FMNL3: variants seen among roughly 807,000 people sequenced by gnomAD.
FMNL3 encodes the protein formin-like protein 3.
FMNL3 carries 57 observed loss-of-function variants against 119.6 expected under a neutral mutation model. That is an observed-to-expected ratio of 0.48 (90% CI 0.39 to 0.59). The LOEUF is 0.59. Ranked by LOEUF, FMNL3 falls within the 20% of genes least tolerant of loss-of-function variation. FMNL3 has a pLI of 0.00. For missense variants in FMNL3, 1,053 were observed against 1,323.5 expected, an observed-to-expected ratio of 0.80 and a Z score of 3.17; for synonymous variants, 491 against 507.3, an observed-to-expected ratio of 0.97 and a Z score of 0.43.
intron 1 of FMNL3, chr12:49,688,611 C>T: frequency 2.3e-6 from 1 of 436,546 alleles, no homozygotes; most frequent in Non-Finnish European, 4.6e-6. Context: ...ATGATGATGG[C>T]TTGTGGTAAG....
At chr12:49,653,976 C>A in intron 11 of FMNL3, 102 bp from the exon 12 acceptor site, 1 of 1,453,290 alleles carries the variant, frequency 6.9e-7, no homozygotes. Context: ...GCCACCACTT[C>A]CCAAAGAGTT....
chr12:49,653,536 C>T (rs1465243469), intron 12 of FMNL3, among the ~76,000 whole-genome samples, 189 bp downstream of exon 12: 1 of 152,234 alleles, frequency 6.6e-6, no homozygotes, highest in East Asian at 1.9e-4. Flanking sequence ...ATGCCCAGCC[C>T]TGGAGGTCGA....
At chr12:49,646,603 CG>C in intron 25 of FMNL3, 7 of 1,433,460 alleles carry the variant, frequency 4.9e-6, no homozygotes, top group Non-Finnish European at 6.5e-6. Context: ...TCCTGGGAGA[CG>C]GGCATGCAGA....
intron 1 of FMNL3, among the ~76,000 whole-genome samples, chr12:49,674,440 G>A: frequency 6.6e-6 from 1 of 152,106 alleles, no homozygotes; most frequent in Admixed American, 6.5e-5. Flanking sequence ...TGGACTCTAG[G>A]CCTCCAGCCC....
chr12:49,643,403 C>G lies in FMNL3; in HGVS notation c.*2412G>C. On this transcript the variant is annotated 3_prime_UTR_variant, in exon 26 of 26. Coordinates refer to ENST00000335154, the MANE Select transcript of FMNL3 (RefSeq NM_175736.5). ...CTCCCATCTTCTTGGAGCAGGTAAG[C>G]AGTTGCTGTGAGCGTAGAAGCTGGA... The G allele has an allele frequency of 6.5e-7, 1 of 1,547,462 alleles. No homozygotes were observed. The highest frequency in any genetic ancestry group is 2.3e-5 in the East Asian group (1 of 44,396).
At position 49,640,158 on chromosome 12, in the gene FMNL3, A is replaced by G. The variant is rs1480906597; in HGVS notation, c.*5657T>C. ...CAGGCAGACCATGATGGTGCCTTTC[A>G]TCCCATAGGATAATGCAAAGAGCCC... On this transcript the variant is annotated 3_prime_UTR_variant, in exon 26 of 26. Transcript: ENST00000335154. The G allele has an allele frequency of 6.6e-6, 1 of 152,234 alleles. No homozygotes were observed. The highest frequency in any genetic ancestry group is 1.5e-5 in the Non-Finnish European group (1 of 68,044). The allele number at this position is 152,234 out of a possible 1,614,324, so 9.4% of individuals were successfully genotyped here.
chr12:49,644,369 C>A lies in FMNL3; in HGVS notation c.*1446G>T. 1.4e-6 allele frequency: 1 copy of A among 705,430 alleles called. No individual in the cohort carries two copies. Among genetic ancestry groups the A allele is most frequent in the Non-Finnish European group, 2.4e-6 (1 of 412,366 alleles). The allele number at this position is 705,430 out of a possible 1,614,324, so 43.7% of individuals were successfully genotyped here. The stretch of plus-strand genomic sequence containing the variant: ...AGGTTGCTCTTGGTGTTCAAGGGTC[C>A]CCTACTCCCTGGACTAGTGCAGTCC... On this transcript the variant is annotated 3_prime_UTR_variant, in exon 26 of 26. Transcript: ENST00000335154.
rs1942739916 is a variant in FMNL3 at position 49,642,048 on chromosome 12, G to A, written c.*3767C>T. Reference sequence around the variant, plus strand: ...GTGTGAGGGGCTGGGCGGGGCGTGGGAAGTTCTCTAATTCATCTGTGTCTT... The same window carrying A: ...GTGTGAGGGGCTGGGCGGGGCGTGGAAAGTTCTCTAATTCATCTGTGTCTT... On this transcript the variant is annotated 3_prime_UTR_variant, in exon 26 of 26. Transcript: ENST00000335154. This position sits in a 1 kb window ranked among gnomAD's most constrained non-coding sequence, Gnocchi z 5.8. 6.2e-7 allele frequency: 1 copy of A among 1,607,798 alleles called. No homozygotes were observed. The highest frequency in any genetic ancestry group is 8.5e-7 in the Non-Finnish European group (1 of 1,177,246).
At chr12:49,650,017 A>G in intron 17 of FMNL3, 92 bp from the exon 18 acceptor site, 1 of 1,144,084 alleles carries the variant, frequency 8.7e-7, no homozygotes, top group Non-Finnish European at 1.2e-6. Context: ...AGAACTGGAC[A>G]GGGGACTGTA....
Position 49,645,554 on chromosome 12 carries a change from C to T in FMNL3, c.*261G>A, listed in dbSNP as rs538623355. On this transcript the variant is annotated 3_prime_UTR_variant, in exon 26 of 26. Transcript: ENST00000335154. ...TAGGCTAAGGCTGGAAATGGTTTTT[C>T]CTAGCCCTGAGCTGACCCTTGGTGA... The T allele has an allele frequency of 4.3e-6, 2 of 460,336 alleles. No individual in the cohort carries two copies. The highest frequency in any genetic ancestry group is 3.7e-5 in the South Asian group (1 of 26,842). The allele number at this position is 460,336 out of a possible 1,614,324, so 28.5% of individuals were successfully genotyped here.
At chr12:49,706,242 TC>T (rs749825936) in intron 1 of FMNL3, among the ~76,000 whole-genome samples, 13 of 152,002 alleles carry the variant, frequency 8.6e-5, no homozygotes, top group Non-Finnish European at 1.8e-4. Flanking sequence ...CAAAGAAGAA[TC>T]CCAAAGTCAG....
intron 4 of FMNL3, among the ~76,000 whole-genome samples, chr12:49,662,693 A>C (rs1288015651): frequency 6.6e-6 from 1 of 152,200 alleles, no homozygotes; most frequent in Non-Finnish European, 1.5e-5. Flanking sequence ...GATGTCTATG[A>C]CCACTCAGAG....
At chr12:49,692,069 C>T (rs1297403328) in intron 1 of FMNL3, among the ~76,000 whole-genome samples, 2 of 143,480 alleles carry the variant, frequency 1.4e-5, no homozygotes, top group Non-Finnish European at 3.0e-5. Flanking sequence ...AAAGTTGGGT[C>T]TGGCTGGGCA....
intron 16 of FMNL3, 24 bp downstream of exon 16, chr12:49,651,144 C>G: frequency 6.2e-7 from 1 of 1,609,950 alleles, no homozygotes; most frequent in Non-Finnish European, 8.5e-7. Context: ...CAACCTTAGC[C>G]CTCTGGACCC....
intron 9 of FMNL3, among the ~76,000 whole-genome samples, 173 bp from the exon 10 acceptor site, chr12:49,655,157 C>T (rs373698126): frequency 2.0e-5 from 3 of 152,128 alleles, no homozygotes; most frequent in East Asian, 1.9e-4. Flanking sequence ...TGGGGCCAGG[C>T]GCGGTGGCTC....
rs1351374649 is a variant in FMNL3, at chr12:49,640,936, G to A, written c.*4879C>T. 1 of 152,102 alleles carries A rather than the reference G, an allele frequency of 6.6e-6. No individual in the cohort carries two copies. Among genetic ancestry groups the A allele is most frequent in the Non-Finnish European group, 1.5e-5 (1 of 68,030 alleles). 9.4% of individuals were successfully genotyped at this position (152,102 alleles called of 1,614,324 possible). On this transcript the variant is annotated 3_prime_UTR_variant, in exon 26 of 26. Coordinates refer to ENST00000335154, the MANE Select transcript of FMNL3 (RefSeq NM_175736.5). ...CTGAGAATGAATGCTGTGTTGATAAGGACTGTAGCAGGGTTGAGGAAGTAC... is the reference window on the plus strand; with the variant it reads ...CTGAGAATGAATGCTGTGTTGATAAAGACTGTAGCAGGGTTGAGGAAGTAC...
chr12:49,690,200 C>T (rs555109248), intron 1 of FMNL3, among the ~76,000 whole-genome samples: 1 of 152,206 alleles, frequency 6.6e-6, no homozygotes, highest in African/African-American at 2.4e-5. Flanking sequence ...TAAGTACATA[C>T]ACATTTTGTC....
intron 25 of FMNL3, 95 bp downstream of exon 25, chr12:49,646,791 T>TG (rs1363197523): frequency 3.8e-6 from 6 of 1,573,650 alleles, no homozygotes; most frequent in Non-Finnish European, 4.3e-6. Context: ...TCAGGCCTCA[T>TG]GGGGGGTGGG....
intron 25 of FMNL3, chr12:49,646,623 C>A: frequency 6.7e-7 from 1 of 1,493,094 alleles, no homozygotes; most frequent in Non-Finnish European, 8.9e-7. Flanking sequence ...GAGGGGGCAG[C>A]TGCGGTGCCC....
Sources: gnomAD v4.1 joint callset for allele counts (sites outside exome capture counted in the v4.1 genomes callset) on GRCh38, gnomAD v4.1.1 for gene constraint, Gnocchi (gnomAD v3.1) non-coding constraint, MANE v1.5 for transcripts, NCBI Gene and HGNC (gene_info 2026-07-23, HGNC 2026-07-21) for gene names.